Variants in RNF144A observed in about 807,000 individuals in gnomAD.
RNF144A encodes the protein E3 ubiquitin-protein ligase RNF144A.
Under a neutral mutation model 38.7 loss-of-function variants are expected in RNF144A, and 11 were observed. The observed-to-expected ratio is 0.28, with a 90% CI of 0.18 to 0.47. The LOEUF (loss-of-function observed/expected upper bound fraction) is 0.47, where lower values mean the gene tolerates loss of function less well. Ranked by LOEUF, RNF144A falls within the 20% of genes least tolerant of loss-of-function variation. The pLI, the probability that RNF144A is intolerant of heterozygous loss-of-function variation, is 0.99. For synonymous variants in RNF144A, 149 were observed against 143.9 expected, an observed-to-expected ratio of 1.04 and a Z score of -0.25; for missense variants, 316 against 377.2, an observed-to-expected ratio of 0.84 and a Z score of 1.34.
the RNF144A span, among the ~76,000 whole-genome samples, chr2:7,075,703 AT>A: frequency 6.6e-6 from 1 of 152,120 alleles, no homozygotes. Context: ...AATTACCTCT[AT>A]TTTTTATAAA....
chr2:7,024,780 T>TTAG (rs1231450439), intron 7 of RNF144A, among the ~76,000 whole-genome samples: 1 of 152,166 alleles, frequency 6.6e-6, no homozygotes, highest in Admixed American at 6.5e-5. Context: ...TAAAGGGGTT[T>TTAG]TAGCATCTTA....
intron 3 of RNF144A, among the ~76,000 whole-genome samples, chr2:7,006,151 G>A (rs550856387): frequency 3.8e-4 from 58 of 152,090 alleles, no homozygotes; most frequent in African/African-American, 1.3e-3. Context: ...GAACCTCCAT[G>A]AAGCAGAACA....
intron 2 of RNF144A, among the ~76,000 whole-genome samples, chr2:6,975,892 A>G (rs1433584786): frequency 2.0e-5 from 3 of 152,256 alleles, no homozygotes; most frequent in South Asian, 2.1e-4. Flanking sequence ...CACAAAGTTT[A>G]TCGTAGGATA....
rs1011462772 is a variant in RNF144A at position 6,928,862 on chromosome 2, C to T, written c.-212+11240C>T. 2.2e-4 allele frequency among the ~76,000 whole-genome samples: 34 copies of T among 152,246 alleles called. No homozygotes were observed. The Middle Eastern group carries it at 0.01, about 46-fold the overall frequency. On this transcript the variant is annotated intron_variant, in intron 1 of 8. Coordinates refer to ENST00000320892, the MANE Select transcript of RNF144A (RefSeq NM_014746.6). ...GTCTCCTGCTGTGGCAGCCTGCCTT[C>T]GGTGATGGTCAGAAACTGGCCCATC...
chr2:7,040,716 T>C lies in RNF144A; in HGVS notation c.*956T>C. On this transcript the variant is annotated 3_prime_UTR_variant, in exon 9 of 9. Transcript: ENST00000320892. ...AGACAGTAAGAAGAAAGCAGCCTCA[T>C]TGATCCGCAGATGTAGGGGCCTCTT... 1.0e-6 allele frequency: 1 copy of C among 985,486 alleles called. No individual in the cohort carries two copies. Among genetic ancestry groups the C allele is most frequent in the Non-Finnish European group, 1.2e-6 (1 of 829,940 alleles). 61.0% of individuals were successfully genotyped at this position (985,486 alleles called of 1,614,324 possible).
At chr2:6,990,648 A>C (rs952855594) in intron 2 of RNF144A, among the ~76,000 whole-genome samples, 1 of 151,664 alleles carries the variant, frequency 6.6e-6, no homozygotes, top group Non-Finnish European at 1.5e-5. Context: ...ATATAGTCCC[A>C]ATGGGGGTTT....
intron 2 of RNF144A, among the ~76,000 whole-genome samples, chr2:6,971,999 G>T (rs1668025905): frequency 6.6e-6 from 1 of 152,128 alleles, no homozygotes; most frequent in African/African-American, 2.4e-5. Context: ...TCCTTGGAAG[G>T]GGAGTCCCAT....
chr2:7,065,923 C>T (rs535246296), intron 6 of RNF144A, among the ~76,000 whole-genome samples: 212 of 152,264 alleles, frequency 1.4e-3, no homozygotes, highest in African/African-American at 4.9e-3. Context: ...ACAAAGAAAC[C>T]GATGGCTTCA....
At chr2:7,020,718 T>TGTG (rs1406545368) in intron 6 of RNF144A, 38 bp downstream of exon 6, 1 of 1,573,900 alleles carries the variant, frequency 6.4e-7, no homozygotes, top group African/African-American at 1.3e-5. Context: ...AAGGCATGGC[T>TGTG]GTGGGCCAGG....
rs959765940 is a variant in RNF144A at position 6,952,822 on chromosome 2, G to T, written c.-12+11675G>T. Reference sequence around the variant, plus strand: ...AATTCCCTGCTTTTCAATTTAATTCGCATAAAATTATTCACAGATTTTTAA... The same window carrying T: ...AATTCCCTGCTTTTCAATTTAATTCTCATAAAATTATTCACAGATTTTTAA... On this transcript the variant is annotated intron_variant, in intron 2 of 8. Transcript: ENST00000320892. Among the ~76,000 whole-genome samples, 4 of 151,662 alleles carry T rather than the reference G, an allele frequency of 2.6e-5. No individual in the cohort carries two copies. In the East Asian group the frequency reaches 5.8e-4, roughly 22 times the overall value.
chr2:6,952,010 A>C (rs1430767585), intron 2 of RNF144A, among the ~76,000 whole-genome samples: 1 of 152,204 alleles, frequency 6.6e-6, no homozygotes, highest in Non-Finnish European at 1.5e-5. Context: ...GTTCTAATTT[A>C]ATTAAAAATA....
At chr2:6,953,575 T>G (rs1052690258) in intron 2 of RNF144A, among the ~76,000 whole-genome samples, 10 of 152,222 alleles carry the variant, frequency 6.6e-5, no homozygotes, top group African/African-American at 2.4e-4. Flanking sequence ...TTCAAAATTT[T>G]CCAACGTGTG....
chr2:7,057,962 T>A (rs1417816185), intron 6 of RNF144A, among the ~76,000 whole-genome samples: 1 of 152,180 alleles, frequency 6.6e-6, no homozygotes, highest in Non-Finnish European at 1.5e-5. Flanking sequence ...GATGTTCAGG[T>A]TTAAACGATG....
chr2:6,991,787 A>G lies in RNF144A; in HGVS notation c.-11-5129A>G, dbSNP rs941566451. 3.6e-4 allele frequency among the ~76,000 whole-genome samples: 54 copies of G among 152,082 alleles called. 1 individual carries two copies. Among genetic ancestry groups the G allele is most frequent in the Admixed American group, 1.6e-3 (24 of 15,264 alleles). ...TCATACATACATATATAATATATAT[A>G]CACACACACATACATATATATCTCT... On this transcript the variant is annotated intron_variant, in intron 2 of 8. Coordinates refer to ENST00000320892, the MANE Select transcript of RNF144A (RefSeq NM_014746.6).
In RNF144A at chr2:6,950,708, C is replaced by G. The variant is rs535848697; in HGVS notation, c.-12+9561C>G. 3.3e-5 allele frequency among the ~76,000 whole-genome samples: 5 copies of G among 152,340 alleles called. No individual in the cohort carries two copies. In the South Asian group the frequency reaches 1.0e-3, roughly 32 times the overall value. ...AAAATTTATGCCTTTCTTATCCTAA[C>G]ACTTGGCATTAGGTGTCTTAATTTT... On this transcript the variant is annotated intron_variant, in intron 2 of 8. Coordinates refer to ENST00000320892, the MANE Select transcript of RNF144A (RefSeq NM_014746.6).
intron 6 of RNF144A, among the ~76,000 whole-genome samples, chr2:7,024,044 G>A (rs1671707457): frequency 6.6e-6 from 1 of 152,194 alleles, no homozygotes; most frequent in South Asian, 2.1e-4. Context: ...TTAACACTAT[G>A]ATTCAGATAC....
At chr2:7,037,335 T>A (rs1672745715) in intron 8 of RNF144A, among the ~76,000 whole-genome samples, 1 of 152,244 alleles carries the variant, frequency 6.6e-6, no homozygotes, top group African/African-American at 2.4e-5. Flanking sequence ...AAGAATGTGA[T>A]CATTTGGTCC....
intron 2 of RNF144A, among the ~76,000 whole-genome samples, chr2:6,969,963 T>C (rs1371879948): frequency 1.3e-5 from 2 of 152,116 alleles, no homozygotes; most frequent in African/African-American, 2.4e-5. Flanking sequence ...GGTTTCACCA[T>C]GTTAGCCAGG....
chr2:6,986,337 A>G (rs1171558489), intron 2 of RNF144A, among the ~76,000 whole-genome samples: 1 of 151,796 alleles, frequency 6.6e-6, no homozygotes, highest in African/African-American at 2.4e-5. Flanking sequence ...TTCTTCCATT[A>G]GCTCAAGGGA....
Sources: allele counts gnomAD v4.1 joint callset (sites outside exome capture counted in the v4.1 genomes callset), GRCh38; gene constraint gnomAD v4.1.1; transcripts MANE v1.5; gene names NCBI Gene and HGNC (gene_info 2026-07-23, HGNC 2026-07-21).